Variants in RBFOX1 observed in about 807,000 individuals in gnomAD.
The protein encoded by RBFOX1 is RNA binding fox-1 homolog 1.
A neutral mutation model predicts 57.7 loss-of-function variants in RBFOX1; 8 were observed. The ratio of observed to expected loss-of-function variants is 0.14; its 90% CI spans 0.08 to 0.25. RBFOX1 has a LOEUF of 0.25. Ranked by LOEUF, RBFOX1 falls within the 10% of genes least tolerant of loss-of-function variation. The pLI is 1.00. For synonymous variants in RBFOX1, 326 were observed against 222.4 expected (o/e 1.47, Z -4.15); for missense variants, 611 against 548.5 (o/e 1.11, Z -1.14).
chr16:7,578,576 G>A (rs183082420), intron 5 of RBFOX1, among the ~76,000 whole-genome samples: 1 of 152,134 alleles, frequency 6.6e-6, no homozygotes, highest in African/African-American at 2.4e-5. Context: ...TCTTCTCTCG[G>A]TCGTTATTAT....
At chr16:5,808,057 A>C (rs1196176093) in intron 3 of RBFOX1, among the ~76,000 whole-genome samples, 2 of 152,226 alleles carry the variant, frequency 1.3e-5, no homozygotes, top group South Asian at 2.1e-4. Context: ...TTGTGGGCTG[A>C]ATTTTGTCCC....
At chr16:7,411,251 A>T (rs1481997112) in intron 4 of RBFOX1, among the ~76,000 whole-genome samples, 2 of 151,518 alleles carry the variant, frequency 1.3e-5, no homozygotes, top group African/African-American at 4.9e-5. Flanking sequence ...TCAACTTTGA[A>T]TTCTAAGAAT....
At position 7,082,075 on chromosome 16, in the gene RBFOX1, A is replaced by AC. The variant is rs375215347; in HGVS notation, c.27+29981dup. Among the ~76,000 whole-genome samples the AC allele has an allele frequency of 1.0e-3, 157 of 152,242 alleles. 1 individual carries two copies. Among genetic ancestry groups the AC allele is most frequent in the African/African-American group, 3.7e-3 (153 of 41,542 alleles). On this transcript the variant is annotated intron_variant, in intron 4 of 15. Coordinates refer to ENST00000550418, the MANE Select transcript of RBFOX1 (RefSeq NM_018723.4). ...TTCATAGTGATGGTCGGTGGTAACC[A>AC]CCCCAATTTGCAGGATCTGGGAGAA...
intron 4 of RBFOX1, among the ~76,000 whole-genome samples, chr16:7,475,059 G>T (rs569688551): frequency 6.6e-6 from 1 of 152,192 alleles, no homozygotes; most frequent in Non-Finnish European, 1.5e-5. Flanking sequence ...CACCAAATCA[G>T]AGAGTCTTTG....
intron 4 of RBFOX1, among the ~76,000 whole-genome samples, chr16:5,954,154 G>C (rs766563223): frequency 6.6e-6 from 1 of 152,178 alleles, no homozygotes; most frequent in Non-Finnish European, 1.5e-5. Context: ...CTCTTCCCTT[G>C]TGTTTGCCTC....
rs74328103 is a variant in RBFOX1 at position 7,429,147 on chromosome 16, T to A, written c.28-89000T>A. Among the ~76,000 whole-genome samples the A allele has an allele frequency of 5.3e-3, 808 of 152,278 alleles. 7 individuals carry two copies. The highest frequency in any genetic ancestry group is 0.019 in the African/African-American group (769 of 41,536). The stretch of plus-strand genomic sequence containing the variant: ...ATAAGGCTTTTCTGACATCTCCTGA[T>A]GTGAACACTGTGAATATAATCTTGT... On this transcript the variant is annotated intron_variant, in intron 4 of 15. Coordinates refer to ENST00000550418, the MANE Select transcript of RBFOX1 (RefSeq NM_018723.4).
intron 3 of RBFOX1, among the ~76,000 whole-genome samples, chr16:5,672,882 TG>T (rs1208931582): frequency 6.7e-6 from 1 of 149,556 alleles, no homozygotes; most frequent in African/African-American, 2.5e-5. Context: ...TGTGTGTGTG[TG>T]TGTGTGTCTG....
intron 2 of RBFOX1, among the ~76,000 whole-genome samples, chr16:6,500,092 A>G (rs1208841297): frequency 6.6e-6 from 1 of 152,202 alleles, no homozygotes; most frequent in Non-Finnish European, 1.5e-5. Context: ...CTTTGGTTAA[A>G]AAACAAGTTG....
intron 4 of RBFOX1, among the ~76,000 whole-genome samples, chr16:7,244,264 A>C (rs1163287910): frequency 3.3e-5 from 5 of 151,268 alleles, no homozygotes; most frequent in Non-Finnish European, 5.9e-5. Context: ...AAAAAAAAAA[A>C]AAAAAAACAC....
chr16:6,522,747 C>A (rs992157355), intron 2 of RBFOX1, among the ~76,000 whole-genome samples: 7 of 152,136 alleles, frequency 4.6e-5, no homozygotes, highest in Admixed American at 1.3e-4. Context: ...ATTGTGTCTT[C>A]TTCTGCTTAA....
In RBFOX1 at chr16:5,928,477, G is replaced by A. The variant is rs1304794193; in HGVS notation, c.351+61142G>A. Among the ~76,000 whole-genome samples the A allele has an allele frequency of 3.3e-5, 5 of 151,804 alleles. No individual in the cohort carries two copies. In the South Asian group the frequency reaches 1.0e-3, roughly 32 times the overall value. The stretch of plus-strand genomic sequence containing the variant: ...TAGCTTGATTTAATCATCCCACAAT[G>A]TATGGATGTATCAAAACATCATGTT... On this transcript the variant is annotated intron_variant, in intron 4 of 19. Transcript: ENST00000641259.
rs937580342 is a variant in RBFOX1, at chr16:6,829,606, T to C, written c.-16+174956T>C. Among the ~76,000 whole-genome samples, 3 of 152,258 alleles carry C rather than the reference T, an allele frequency of 2.0e-5. No individual in the cohort carries two copies. In the South Asian group the frequency reaches 6.2e-4, roughly 32 times the overall value. On this transcript the variant is annotated intron_variant, in intron 3 of 15. Transcript: ENST00000550418. The stretch of plus-strand genomic sequence containing the variant: ...AGTAATATGAATGTATTTTCTTTTT[T>C]CTTTTGTTTTTTTAAGACGGAGTCT...
chr16:6,774,149 G>T, intron 3 of RBFOX1: 1 of 340,452 alleles, frequency 2.9e-6, no homozygotes, highest in Non-Finnish European at 4.2e-6. Context: ...CGGCACTCTG[G>T]GAAGGCAAAT....
At chr16:6,428,657 T>C (rs1432725153) in intron 2 of RBFOX1, among the ~76,000 whole-genome samples, 1 of 152,184 alleles carries the variant, frequency 6.6e-6, no homozygotes, top group Non-Finnish European at 1.5e-5. Flanking sequence ...CCATCATTGC[T>C]GTTACTATTA....
intron 4 of RBFOX1, among the ~76,000 whole-genome samples, chr16:7,244,985 G>A (rs1297793353): frequency 6.6e-6 from 1 of 152,204 alleles, no homozygotes; most frequent in Non-Finnish European, 1.5e-5. Context: ...ACTCATGCCT[G>A]CCTTCACAGT....
At chr16:7,188,457 T>C (rs146905370) in intron 4 of RBFOX1, among the ~76,000 whole-genome samples, 1 of 152,318 alleles carries the variant, frequency 6.6e-6, no homozygotes, top group East Asian at 1.9e-4. Flanking sequence ...TAGCTGCATG[T>C]TACAGAGGTC....
chr16:7,594,401 A>T (rs2094587275), intron 7 of RBFOX1, among the ~76,000 whole-genome samples: 1 of 152,238 alleles, frequency 6.6e-6, no homozygotes, highest in Non-Finnish European at 1.5e-5. Flanking sequence ...TACAGTGAAA[A>T]ATCTGAAAGA....
chr16:6,369,435 G>A (rs539333840), intron 2 of RBFOX1, among the ~76,000 whole-genome samples: 4 of 152,180 alleles, frequency 2.6e-5, no homozygotes, highest in African/African-American at 9.7e-5. Context: ...CTTAGACATA[G>A]CATCTCTACC....
At chr16:6,700,458 G>C (rs2061661282) in intron 3 of RBFOX1, among the ~76,000 whole-genome samples, 1 of 152,056 alleles carries the variant, frequency 6.6e-6, no homozygotes, top group Non-Finnish European at 1.5e-5. Flanking sequence ...AGGAGTTGGA[G>C]ACCAGCCTAG....
Sources: allele counts gnomAD v4.1 joint callset (sites outside exome capture counted in the v4.1 genomes callset), GRCh38; gene constraint gnomAD v4.1.1; transcripts MANE v1.5; gene names NCBI Gene and HGNC (gene_info 2026-07-23, HGNC 2026-07-21).